The following PPP1R9A variants were observed in gnomAD, a reference collection of about 807,000 sequenced individuals.
PPP1R9A encodes protein phosphatase 1 regulatory subunit 9A.
A neutral mutation model predicts 141.9 loss-of-function variants in PPP1R9A; 59 were observed. That is an observed-to-expected ratio of 0.42 (90% CI 0.34 to 0.52). The LOEUF (loss-of-function observed/expected upper bound fraction) is 0.52, where lower values mean the gene tolerates loss of function less well. Among genes scored for constraint, PPP1R9A ranks in the 20% least tolerant of loss-of-function variants. The pLI, the probability that PPP1R9A is intolerant of heterozygous loss-of-function variation, is 0.10. For synonymous variants in PPP1R9A, 500 were observed against 569.7 expected (o/e 0.88, Z 1.74); for missense variants, 1,444 against 1,611.9 (o/e 0.90, Z 1.78).
chr7:95,023,791 ATCTGCCCGCCTTGGCC>A (rs1303640772), intron 2 of PPP1R9A, among the ~76,000 whole-genome samples: 2 of 152,152 alleles, frequency 1.3e-5, no homozygotes, highest in African/African-American at 4.8e-5. Context: ...TGACCCTGTG[ATCTGCCCGCCTTGGCC>A]TCCCAAAGTG....
chr7:95,082,125 G>A (rs1286274660), intron 2 of PPP1R9A, among the ~76,000 whole-genome samples: 4 of 152,102 alleles, frequency 2.6e-5, no homozygotes, highest in Admixed American at 6.5e-5. Flanking sequence ...TTTTTGGGGC[G>A]AGGTGTGAAA....
chr7:95,092,773 T>C (rs1302376527), intron 2 of PPP1R9A, among the ~76,000 whole-genome samples: 1 of 152,242 alleles, frequency 6.6e-6, no homozygotes, highest in Non-Finnish European at 1.5e-5. Flanking sequence ...ACAGGTGTTC[T>C]AGACAAGAGG....
intron 2 of PPP1R9A, among the ~76,000 whole-genome samples, chr7:94,991,849 G>A (rs190819129): frequency 2.0e-5 from 3 of 152,158 alleles, no homozygotes; most frequent in Admixed American, 6.5e-5. Flanking sequence ...ATGAGGTTTC[G>A]CCATGTTGCC....
chr7:95,162,068 A>G (rs1345986825), intron 5 of PPP1R9A, 97 bp downstream of exon 5: 3 of 675,150 alleles, frequency 4.4e-6, no homozygotes, highest in South Asian at 3.0e-5. Flanking sequence ...TACAATGACA[A>G]TTTTACCTGA....
intron 2 of PPP1R9A, among the ~76,000 whole-genome samples, chr7:95,029,143 G>A (rs1038114436): frequency 6.6e-6 from 1 of 152,122 alleles, no homozygotes; most frequent in Non-Finnish European, 1.5e-5. Context: ...AACATACAGA[G>A]GCCGCGTATA....
At chr7:94,913,222 A>C (rs1791664967) in intron 2 of PPP1R9A, among the ~76,000 whole-genome samples, 1 of 152,190 alleles carries the variant, frequency 6.6e-6, no homozygotes, top group Non-Finnish European at 1.5e-5. Context: ...TGCACAAAAC[A>C]TAACTGTGCA....
intron 2 of PPP1R9A, among the ~76,000 whole-genome samples, chr7:95,087,597 G>C (rs1273166126): frequency 6.6e-6 from 1 of 151,880 alleles, no homozygotes; most frequent in Admixed American, 6.6e-5. Context: ...TTTTTTGGAT[G>C]GATAAGAAGA....
intron 5 of PPP1R9A, among the ~76,000 whole-genome samples, chr7:95,165,997 A>G (rs1312896324): frequency 6.6e-6 from 1 of 152,072 alleles, no homozygotes; most frequent in African/African-American, 2.4e-5. Flanking sequence ...AAAATATACA[A>G]AATTAGCCAG....
intron 4 of PPP1R9A, among the ~76,000 whole-genome samples, chr7:95,142,272 T>C (rs1394428050): frequency 6.6e-6 from 1 of 152,144 alleles, no homozygotes; most frequent in African/African-American, 2.4e-5. Flanking sequence ...AGATACATAA[T>C]ATGTAAACAT....
At chr7:95,168,507 C>T (rs1207872288) in intron 5 of PPP1R9A, among the ~76,000 whole-genome samples, 1 of 137,478 alleles carries the variant, frequency 7.3e-6, no homozygotes, top group African/African-American at 2.8e-5. Context: ...GCTAAGACCT[C>T]AGAAGCACAG....
intron 16 of PPP1R9A, among the ~76,000 whole-genome samples, chr7:95,282,590 A>G (rs1018566937): frequency 2.0e-5 from 3 of 152,058 alleles, no homozygotes; most frequent in Non-Finnish European, 4.4e-5. Context: ...AGGAGATAAG[A>G]TTTCTCCCTC....
intron 2 of PPP1R9A, among the ~76,000 whole-genome samples, chr7:94,974,867 G>C (rs1449150472): frequency 6.6e-6 from 1 of 152,122 alleles, no homozygotes; most frequent in Non-Finnish European, 1.5e-5. Context: ...AACAGAAATG[G>C]TGTTTTAATT....
intron 3 of PPP1R9A, 115 bp from the exon 4 acceptor site, chr7:95,120,597 G>T (rs1360189354): frequency 1.7e-6 from 2 of 1,187,210 alleles, no homozygotes; most frequent in East Asian, 2.4e-5. Flanking sequence ...GCATGTTATT[G>T]TCCTATCCAT....
intron 1 of PPP1R9A, chr7:94,908,002 G>C (rs1048806249): frequency 1.3e-5 from 2 of 149,314 alleles, no homozygotes; most frequent in African/African-American, 4.9e-5. Context: ...GCTGCGCCGT[G>C]AGGAGCGGGT....
At chr7:94,963,401 A>G (rs1031557035) in intron 2 of PPP1R9A, among the ~76,000 whole-genome samples, 4 of 152,162 alleles carry the variant, frequency 2.6e-5, no homozygotes, top group Non-Finnish European at 5.9e-5. Flanking sequence ...TTTTTAGTAT[A>G]CTTGCAGAAT....
chr7:95,235,913 A>G (rs1008233756), intron 8 of PPP1R9A, among the ~76,000 whole-genome samples: 2 of 152,196 alleles, frequency 1.3e-5, no homozygotes, highest in Non-Finnish European at 2.9e-5. Flanking sequence ...CAAACATCGT[A>G]TGTTCTCACT....
In PPP1R9A at chr7:95,001,720, T is replaced by TA. The variant is rs1230306760; in HGVS notation, c.1395+90213dup. Among the ~76,000 whole-genome samples, 6 of 152,322 alleles carry TA rather than the reference T, an allele frequency of 3.9e-5. No individual in the cohort carries two copies. In the East Asian group the frequency reaches 1.2e-3, roughly 29 times the overall value. On this transcript the variant is annotated intron_variant, in intron 2 of 19. Transcript: ENST00000433360. ...TATTTTTTGTTAATCAGTTCAGAGT[T>TA]ACTATTTGCAGCCCTCTGAAAGCTG...
intron 5 of PPP1R9A, among the ~76,000 whole-genome samples, chr7:95,163,455 C>G (rs1019574915): frequency 6.6e-6 from 1 of 152,186 alleles, no homozygotes; most frequent in Non-Finnish European, 1.5e-5. Context: ...AACTCTAGTA[C>G]AGGTTGAGTA....
In PPP1R9A at chr7:95,250,194, T is replaced by C. The variant is rs1468897369; in HGVS notation, c.2335T>C (p.Tyr779His). ...GCATCTCAAAGAGACTCAAAGCCAG[T>C]ATCAGGCCTTGGAAAAGAAATACAA... ...NEHLKETQSQ[Y>H]QALEKKYNKA... Residue 779 changes from tyrosine to histidine, a missense_variant, in exon 10 of 20, where the codon TAT becomes CAT. Physicochemically the swap from Tyr to His is moderately conservative, Grantham distance 83 (BLOSUM62 2). This residue lies in a region of PPP1R9A where 488 missense variants were observed against 542.0 expected (regional missense o/e 0.90). Coordinates refer to ENST00000433360, the MANE Select transcript of PPP1R9A (RefSeq NM_001166160.2). The C allele has an allele frequency of 1.2e-6, 2 of 1,613,726 alleles. No homozygotes were observed. The highest frequency in any genetic ancestry group is 2.7e-5 in the African/African-American group (2 of 74,930).
Sources: gnomAD v4.1 joint callset for allele counts (sites outside exome capture counted in the v4.1 genomes callset) on GRCh38, gnomAD v4.1.1 for gene constraint, gnomAD v4.1.1 regional missense constraint, MANE v1.5 for transcripts, NCBI Gene and HGNC (gene_info 2026-07-23, HGNC 2026-07-21) for gene names.